ROBO1: variants seen among roughly 807,000 people sequenced by gnomAD.
The protein encoded by ROBO1 is roundabout guidance receptor 1.
ROBO1 carries 149 observed loss-of-function variants against 195.9 expected under a neutral mutation model. That is an observed-to-expected ratio of 0.76 (90% CI 0.67 to 0.87). ROBO1 has a LOEUF of 0.87. Ranked by LOEUF, ROBO1 falls within the 40% of genes least tolerant of loss-of-function variation. ROBO1 has a pLI of 0.00. For synonymous variants in ROBO1, 816 were observed against 733.2 expected (o/e 1.11, Z -1.82); for missense variants, 1,933 against 2,068.3 (o/e 0.93, Z 1.27).
At chr3:79,689,497 A>C (rs1947237153) in intron 1 of ROBO1, among the ~76,000 whole-genome samples, 2 of 152,010 alleles carry the variant, frequency 1.3e-5, no homozygotes, top group South Asian at 4.1e-4. Context: ...TTAAGAATTA[A>C]GTGAGATATA....
chr3:79,539,202 C>T (rs766373847), intron 2 of ROBO1, among the ~76,000 whole-genome samples: 55 of 152,066 alleles, frequency 3.6e-4, no homozygotes, highest in Non-Finnish European at 6.8e-4. Context: ...GCAATCTGTT[C>T]AAAGGAGAAG....
At position 79,632,402 on chromosome 3, in the gene ROBO1, A is replaced by C. The variant is rs556129485; in HGVS notation, c.-50-42441T>G. Among the ~76,000 whole-genome samples the C allele has an allele frequency of 1.2e-3, 187 of 152,258 alleles. 2 individuals are homozygous for C. The highest frequency in any genetic ancestry group is 4.2e-3 in the African/African-American group (175 of 41,560). Reference sequence around the variant, plus strand: ...AGTAAATCAAATACCACATATACTTACTTATAAGTAGGAGCTAAACAACTG... The same window carrying C: ...AGTAAATCAAATACCACATATACTTCCTTATAAGTAGGAGCTAAACAACTG... On this transcript the variant is annotated intron_variant, in intron 1 of 30. Transcript: ENST00000464233.
At chr3:79,203,865 AT>A (rs973528908) in intron 2 of ROBO1, among the ~76,000 whole-genome samples, 1 of 151,890 alleles carries the variant, frequency 6.6e-6, no homozygotes, top group Non-Finnish European at 1.5e-5. Flanking sequence ...GAGTTTATTT[AT>A]TTTTTTCTTT....
chr3:79,180,088 G>A (rs1431076659), intron 2 of ROBO1, among the ~76,000 whole-genome samples: 3 of 152,054 alleles, frequency 2.0e-5, no homozygotes, highest in Non-Finnish European at 4.4e-5. Context: ...CTAGTAACCT[G>A]TTCTTCAGAG....
intron 2 of ROBO1, among the ~76,000 whole-genome samples, chr3:79,531,682 C>T (rs1043004567): frequency 2.6e-5 from 4 of 152,130 alleles, no homozygotes; most frequent in Non-Finnish European, 5.9e-5. Context: ...CTCTGTTTCA[C>T]GTTTTTCACA....
At chr3:78,661,336 G>A (rs1484818129) in intron 15 of ROBO1, 75 bp from the exon 16 acceptor site, 2 of 921,546 alleles carry the variant, frequency 2.2e-6, no homozygotes, top group Non-Finnish European at 3.0e-6. Flanking sequence ...AAAATTAAAC[G>A]TTATAAAATG....
chr3:78,799,258 G>A (rs2084281258), intron 4 of ROBO1, among the ~76,000 whole-genome samples: 1 of 151,804 alleles, frequency 6.6e-6, no homozygotes, highest in South Asian at 2.1e-4. Context: ...CCATAACTGA[G>A]TTTTGGCCTG....
At position 78,946,040 on chromosome 3, in the gene ROBO1, G is replaced by T. The variant is rs182250106; in HGVS notation, c.173-7113C>A. ...GACCATGTGAAAAGACCAAATCTAC[G>T]TCTGATTGGTGTACCTGAAAGTGAT... On this transcript the variant is annotated intron_variant, in intron 3 of 30. Transcript: ENST00000464233. Among the ~76,000 whole-genome samples the T allele has an allele frequency of 1.3e-5, 2 of 152,124 alleles. 1 individual carries two copies. The highest frequency in any genetic ancestry group is 4.1e-4 in the South Asian group (2 of 4,828).
chr3:79,095,058 A>C (rs1447146428), intron 3 of ROBO1, among the ~76,000 whole-genome samples: 1 of 151,758 alleles, frequency 6.6e-6, no homozygotes, highest in African/African-American at 2.4e-5. Flanking sequence ...GATCATAAGC[A>C]CTCCCTCAAC....
chr3:79,307,859 C>A (rs1055866699), intron 2 of ROBO1, among the ~76,000 whole-genome samples: 1 of 151,678 alleles, frequency 6.6e-6, no homozygotes, highest in Admixed American at 6.6e-5. Flanking sequence ...ACAGTGACAA[C>A]AACAAAACAG....
Position 78,688,661 on chromosome 3 carries a change from C to G in ROBO1, c.1157G>C (p.Arg386Thr). ...AAAAGGTGGTACCTGACTCCCTTCT[C>G]TCCTCCAGAAAATAGCTGGTTGAGG... ...GNPQPAIFWR[R>T]EGSQNLLFSY... The change falls in exon 9 of 31, where the codon AGA becomes ACA. Residue 386 changes from arginine (R) to threonine (T), a missense_variant. Arg to Thr is a moderately conservative substitution (Grantham distance 71). This residue lies in a region of ROBO1 where 1,737 missense variants were observed against 1,882.5 expected (regional missense o/e 0.92). Coordinates refer to ENST00000464233, the MANE Select transcript of ROBO1 (RefSeq NM_002941.4). 2 of 1,602,072 alleles carry G rather than the reference C, an allele frequency of 1.2e-6. No homozygotes were observed. The highest frequency in any genetic ancestry group is 1.7e-6 in the Non-Finnish European group (2 of 1,173,918).
At chr3:78,840,788 C>T (rs923171932) in intron 4 of ROBO1, among the ~76,000 whole-genome samples, 5 of 151,990 alleles carry the variant, frequency 3.3e-5, no homozygotes, top group African/African-American at 1.2e-4. Context: ...AGGCCGAGTG[C>T]GGTGGCTCAC....
At chr3:78,846,093 AAC>A (rs2033653148) in intron 4 of ROBO1, among the ~76,000 whole-genome samples, 1 of 152,064 alleles carries the variant, frequency 6.6e-6, no homozygotes, top group Non-Finnish European at 1.5e-5. Flanking sequence ...CTCGCCACTA[AAC>A]ACTAGGGAGA....
intron 1 of ROBO1, among the ~76,000 whole-genome samples, chr3:79,681,632 A>C (rs1016503750): frequency 6.6e-6 from 1 of 151,970 alleles, no homozygotes; most frequent in African/African-American, 2.4e-5. Flanking sequence ...TAGATAGTAG[A>C]GGGAAGGTTT....
intron 3 of ROBO1, among the ~76,000 whole-genome samples, chr3:79,096,103 G>T (rs1433720350): frequency 6.6e-6 from 1 of 151,902 alleles, no homozygotes; most frequent in Non-Finnish European, 1.5e-5. Flanking sequence ...AGGAATTTTA[G>T]GTCAAAGTTG....
At chr3:79,111,370 C>G (rs576155931) in intron 3 of ROBO1, among the ~76,000 whole-genome samples, 1 of 152,212 alleles carries the variant, frequency 6.6e-6, no homozygotes, top group African/African-American at 2.4e-5. Context: ...AAGGAATTAG[C>G]TGGATGGGTT....
intron 5 of ROBO1, among the ~76,000 whole-genome samples, chr3:78,745,638 T>C (rs545768301): frequency 6.6e-4 from 101 of 152,356 alleles, no homozygotes; most frequent in Middle Eastern, 6.8e-3. Context: ...ACTTTTGTCA[T>C]GTGACTCTGC....
chr3:79,157,625 G>A (rs1358860676), intron 2 of ROBO1, among the ~76,000 whole-genome samples: 1 of 151,866 alleles, frequency 6.6e-6, no homozygotes, highest in Non-Finnish European at 1.5e-5. Flanking sequence ...AGTTTGAAGT[G>A]TACAATAAAA....
chr3:79,375,538 GATAATTAC>G (rs2036350376), intron 2 of ROBO1, among the ~76,000 whole-genome samples: 1 of 152,162 alleles, frequency 6.6e-6, no homozygotes, highest in South Asian at 2.1e-4. Flanking sequence ...TGGCCCTGAA[GATAATTAC>G]ATACTCTATT....
Sources: allele counts gnomAD v4.1 joint callset (sites outside exome capture counted in the v4.1 genomes callset), GRCh38; gene constraint gnomAD v4.1.1; regional missense constraint gnomAD v4.1.1; transcripts MANE v1.5; gene names NCBI Gene and HGNC (gene_info 2026-07-23, HGNC 2026-07-21).